Variants in GTF2E2 observed in about 807,000 individuals in gnomAD.
GTF2E2 encodes transcription initiation factor IIE subunit beta.
A neutral mutation model predicts 40.5 loss-of-function variants in GTF2E2; 21 were observed. That is an observed-to-expected ratio of 0.52 (90% CI 0.37 to 0.75). GTF2E2 has a LOEUF of 0.75. Ranked by LOEUF, GTF2E2 falls within the 30% of genes least tolerant of loss-of-function variation. GTF2E2 has a pLI of 0.00. For missense variants in GTF2E2, 298 were observed against 338.4 expected, an observed-to-expected ratio of 0.88 and a Z score of 0.94; for synonymous variants, 117 against 121.6, an observed-to-expected ratio of 0.96 and a Z score of 0.25.
chr8:30,631,333 G>A (rs1465144323), intron 3 of GTF2E2, among the ~76,000 whole-genome samples: 2 of 152,128 alleles, frequency 1.3e-5, no homozygotes, highest in Non-Finnish European at 2.9e-5. Context: ...TTAAATATAA[G>A]TAATTCTCAA....
At chr8:30,585,576 T>C (rs1419612614) in intron 6 of GTF2E2, among the ~76,000 whole-genome samples, 2 of 152,278 alleles carry the variant, frequency 1.3e-5, no homozygotes, top group Non-Finnish European at 2.9e-5. Context: ...TTCATTTTTT[T>C]GTTCTGCAGA....
intron 6 of GTF2E2, among the ~76,000 whole-genome samples, chr8:30,581,190 A>G (rs1275203955): frequency 6.6e-6 from 1 of 152,138 alleles, no homozygotes; most frequent in Non-Finnish European, 1.5e-5. Context: ...GGAACGAAAA[A>G]AGGAAAAGCT....
chr8:30,627,695 T>C (rs1801329598), intron 3 of GTF2E2, among the ~76,000 whole-genome samples: 1 of 152,184 alleles, frequency 6.6e-6, no homozygotes, highest in Admixed American at 6.5e-5. Flanking sequence ...TGTTTAAAAA[T>C]GATTTGCTTT....
At chr8:30,620,793 G>A (rs1447511326) in intron 3 of GTF2E2, among the ~76,000 whole-genome samples, 1 of 151,948 alleles carries the variant, frequency 6.6e-6, no homozygotes, top group East Asian at 1.9e-4. Flanking sequence ...GCCAGGCATG[G>A]TGGCACATGC....
rs1384309979 is a variant in GTF2E2, at chr8:30,585,775, A to G, written c.644-5379T>C. ...ATTAAGGTACATCTTTGCCCTTTAA[A>G]AAAAAAAAAAAAAAAAAAAAAAAAA... On this transcript the variant is annotated intron_variant, in intron 6 of 7. Transcript: ENST00000355904. Among the ~76,000 whole-genome samples, 4 of 12,732 alleles carry G rather than the reference A, an allele frequency of 3.1e-4. No individual in the cohort carries two copies. In the South Asian group the frequency reaches 7.3e-3, roughly 23 times the overall value. The allele number at this position is 12,732 out of a possible 152,430, so 8.4% of individuals were successfully genotyped here.
chr8:30,580,374 ACTC>A lies in GTF2E2; in HGVS notation c.663_665del (p.Arg221del). 6.3e-7 allele frequency: 1 copy of A among 1,583,368 alleles called. No individual in the cohort carries two copies. On this transcript the variant is annotated inframe_deletion, in exon 7 of 8. Transcript: ENST00000355904. ...CCTCGTCCATGGAATCTACAGTGAC[ACTC>A]CTCCACAGTTTCTGAAATTCTGTAT...
chr8:30,650,124 G>A (rs1440335821), intron 2 of GTF2E2, among the ~76,000 whole-genome samples: 1 of 152,112 alleles, frequency 6.6e-6, no homozygotes, highest in Non-Finnish European at 1.5e-5. Flanking sequence ...AGAGGCACCA[G>A]AGAAAAACGA....
rs1485182921 is a variant in GTF2E2 at position 30,578,587 on chromosome 8, T to C, written c.*334A>G. Reference sequence around the variant, plus strand: ...AATAAACAAATATTGCATTCAAGACTATGGGCAAACTTGCTCTAAAGTAAC... The same window carrying C: ...AATAAACAAATATTGCATTCAAGACCATGGGCAAACTTGCTCTAAAGTAAC... On this transcript the variant is annotated 3_prime_UTR_variant, in exon 8 of 8. Transcript: ENST00000355904. 4 of 179,404 alleles carry C rather than the reference T, an allele frequency of 2.2e-5. No individual in the cohort carries two copies. The highest frequency in any genetic ancestry group is 4.7e-5 in the Non-Finnish European group (4 of 85,656). 11.1% of individuals were successfully genotyped at this position (179,404 alleles called of 1,614,324 possible). A position where few individuals can be genotyped will look rare whatever the true frequency, so the allele number is the denominator to read the frequency against.
chr8:30,579,091 T>C (rs1285730507), intron 7 of GTF2E2, 54 bp from the exon 8 acceptor site: 16 of 934,642 alleles, frequency 1.7e-5, no homozygotes, highest in Non-Finnish European at 2.3e-5. Context: ...AGGGGTGGTG[T>C]GGCCAGGATG....
At position 30,658,143 on chromosome 8, in the gene GTF2E2, T is replaced by TGGC. The variant is rs576140574; in HGVS notation, c.-178_-176dup. 432 of 184,404 alleles carry TGGC rather than the reference T, an allele frequency of 2.3e-3. No homozygotes were observed. The highest frequency in any genetic ancestry group is 6.2e-3 in the South Asian group (72 of 11,600). 11.4% of individuals were successfully genotyped at this position (184,404 alleles called of 1,614,324 possible). A position where few individuals can be genotyped will look rare whatever the true frequency, so the allele number is the denominator to read the frequency against. On this transcript the variant is annotated 5_prime_UTR_variant, in exon 1 of 8. Coordinates refer to ENST00000355904, the MANE Select transcript of GTF2E2 (RefSeq NM_002095.6). Reference sequence around the variant, plus strand: ...CAGGTCGGGGTCTCACCACTGGCGGTGGCGGCGGCGGCGGCGGCAGCGGCG... The same window carrying TGGC: ...CAGGTCGGGGTCTCACCACTGGCGGTGGCGGCGGCGGCGGCGGCGGCAGCGGCG...
At chr8:30,643,831 TG>T (rs1184803581) in intron 2 of GTF2E2, 2 of 151,468 alleles carry the variant, frequency 1.3e-5, no homozygotes, top group African/African-American at 4.8e-5. Context: ...AAAAAGTACA[TG>T]GGGTTCATAC....
chr8:30,633,718 T>A (rs1182593734), intron 3 of GTF2E2, among the ~76,000 whole-genome samples: 1 of 152,150 alleles, frequency 6.6e-6, no homozygotes, highest in Non-Finnish European at 1.5e-5. Flanking sequence ...GAGGGTGGCA[T>A]TTTTTTCTGG....
At chr8:30,586,125 C>T (rs984612796) in intron 6 of GTF2E2, among the ~76,000 whole-genome samples, 15 of 152,172 alleles carry the variant, frequency 9.9e-5, no homozygotes, top group Admixed American at 3.3e-4. Context: ...ACGAGCAACA[C>T]GCCATGCCTT....
chr8:30,623,508 T>C (rs912730836), intron 3 of GTF2E2, among the ~76,000 whole-genome samples: 1 of 152,158 alleles, frequency 6.6e-6, no homozygotes, highest in African/African-American at 2.4e-5. Context: ...CAGCATGATT[T>C]ATAATCCTTT....
chr8:30,590,396 T>C (rs78286243), intron 6 of GTF2E2, among the ~76,000 whole-genome samples: 29 of 152,324 alleles, frequency 1.9e-4, no homozygotes, highest in African/African-American at 6.3e-4. Flanking sequence ...CCAGTATAAA[T>C]ACCCATTAAT....
intron 2 of GTF2E2, among the ~76,000 whole-genome samples, chr8:30,639,847 C>T (rs1248559756): frequency 6.6e-6 from 1 of 151,572 alleles, no homozygotes; most frequent in Non-Finnish European, 1.5e-5. Flanking sequence ...CTGCAAAACC[C>T]AAAGGTTGCT....
chr8:30,616,566 G>C (rs542528180), intron 3 of GTF2E2, among the ~76,000 whole-genome samples: 1 of 152,276 alleles, frequency 6.6e-6, no homozygotes, highest in Non-Finnish European at 1.5e-5. Flanking sequence ...GAGGATACTA[G>C]AGTGGTGGAC....
At chr8:30,617,430 G>A (rs1022636631) in intron 3 of GTF2E2, among the ~76,000 whole-genome samples, 1 of 152,140 alleles carries the variant, frequency 6.6e-6, no homozygotes, top group African/African-American at 2.4e-5. Context: ...GAGGGGAGAA[G>A]CTAAACATAC....
intron 3 of GTF2E2, among the ~76,000 whole-genome samples, chr8:30,619,744 A>T (rs1036603032): frequency 6.6e-6 from 1 of 152,016 alleles, no homozygotes; most frequent in African/African-American, 2.4e-5. Context: ...GATTAAAATA[A>T]ATCAGTGTCA....
Sources: gnomAD v4.1 joint callset for allele counts (sites outside exome capture counted in the v4.1 genomes callset) on GRCh38, gnomAD v4.1.1 for gene constraint, MANE v1.5 for transcripts, NCBI Gene and HGNC (gene_info 2026-07-23, HGNC 2026-07-21) for gene names.